The following KCNH8 variants were observed in gnomAD, a reference collection of about 807,000 sequenced individuals.
KCNH8 encodes the protein potassium voltage-gated channel subfamily H member 8, also known as voltage-gated delayed rectifier potassium channel KCNH8.
KCNH8 carries 70 observed loss-of-function variants against 103.6 expected under a neutral mutation model. The observed-to-expected ratio is 0.68, with a 90% CI of 0.56 to 0.82. KCNH8 has a LOEUF of 0.82. Ranked by LOEUF, KCNH8 falls within the 40% of genes least tolerant of loss-of-function variation. KCNH8 has a pLI of 0.00. For synonymous variants in KCNH8, 498 were observed against 489.4 expected (o/e 1.02, Z -0.23); for missense variants, 1,217 against 1,329.9 (o/e 0.92, Z 1.32).
chr3:19,502,217 G>A (rs1388286887), intron 11 of KCNH8, among the ~76,000 whole-genome samples: 1 of 151,402 alleles, frequency 6.6e-6, no homozygotes, highest in East Asian at 1.9e-4. Context: ...ACTTACAAGG[G>A]ATGTGAAGGG....
intron 1 of KCNH8, among the ~76,000 whole-genome samples, chr3:19,205,011 G>T (rs141935272): frequency 6.2e-4 from 94 of 151,964 alleles, no homozygotes; most frequent in African/African-American, 2.1e-3. Flanking sequence ...TCATACAAAA[G>T]AAACCAAAAT....
chr3:19,473,995 G>A (rs1254415212), intron 11 of KCNH8, among the ~76,000 whole-genome samples: 11 of 152,054 alleles, frequency 7.2e-5, no homozygotes. Context: ...GTTTTATCAT[G>A]GTAAATATTT....
At chr3:19,357,905 T>G (rs938193028) in intron 5 of KCNH8, among the ~76,000 whole-genome samples, 1 of 151,720 alleles carries the variant, frequency 6.6e-6, no homozygotes, top group African/African-American at 2.4e-5. Context: ...TATATATAAA[T>G]CCTGAGTCCA....
chr3:19,372,940 C>T (rs2066125374), intron 5 of KCNH8, among the ~76,000 whole-genome samples: 1 of 151,912 alleles, frequency 6.6e-6, no homozygotes, highest in African/African-American at 2.4e-5. Context: ...TTGAACCAGC[C>T]TTGCATCCCA....
chr3:19,244,041 T>C (rs942265084), intron 1 of KCNH8, among the ~76,000 whole-genome samples: 2 of 152,164 alleles, frequency 1.3e-5, no homozygotes, highest in African/African-American at 4.8e-5. Context: ...GGTCTTACTT[T>C]GTTTTTAAAT....
chr3:19,187,845 A>G lies in KCNH8; in HGVS notation c.76+39050A>G, dbSNP rs536713561. ...TGTGAACAAACTTTTATCAGCCCTC[A>G]TCTACTTGTTGGCTGAATACTCTGG... is the stretch of plus-strand genomic sequence containing the variant. On this transcript the variant is annotated intron_variant, in intron 1 of 15. Coordinates refer to ENST00000328405, the MANE Select transcript of KCNH8 (RefSeq NM_144633.3). Among the ~76,000 whole-genome samples the G allele has an allele frequency of 2.3e-4, 35 of 152,184 alleles. No homozygotes were observed. The South Asian group carries it at 6.2e-3, about 27-fold the overall frequency.
At chr3:19,451,438 G>T in intron 10 of KCNH8, 34 bp downstream of exon 10, 2 of 1,600,624 alleles carry the variant, frequency 1.2e-6, no homozygotes, top group South Asian at 2.2e-5. Flanking sequence ...TATGAAATTT[G>T]ACTCTGGAGC....
intron 1 of KCNH8, among the ~76,000 whole-genome samples, chr3:19,149,448 T>G (rs1199985025): frequency 6.6e-6 from 1 of 151,290 alleles, no homozygotes; most frequent in Non-Finnish European, 1.5e-5. Context: ...AGAAAGTTTT[T>G]AGTTTTTTTT....
At chr3:19,507,458 T>C (rs879261758) in intron 11 of KCNH8, among the ~76,000 whole-genome samples, 1 of 152,140 alleles carries the variant, frequency 6.6e-6, no homozygotes. Flanking sequence ...CCTCTCCTTA[T>C]GGTGTGTAGT....
chr3:19,413,810 G>A lies in KCNH8; in HGVS notation c.1177+18499G>A, dbSNP rs549047249. Among the ~76,000 whole-genome samples, 25 of 152,082 alleles carry A rather than the reference G, an allele frequency of 1.6e-4. 1 individual carries two copies. The highest frequency in any genetic ancestry group is 5.3e-4 in the African/African-American group (22 of 41,532). On this transcript the variant is annotated intron_variant, in intron 7 of 15. Transcript: ENST00000328405. ...GCCCTCCTCTGTTTTAAAAACAAAA[G>A]AGTTCATCTGAAAAACAACTCTTGT...
At chr3:19,218,149 AT>A (rs944639395) in intron 1 of KCNH8, among the ~76,000 whole-genome samples, 5 of 151,800 alleles carry the variant, frequency 3.3e-5, no homozygotes, top group African/African-American at 7.3e-5. Context: ...TGAGACCAGG[AT>A]TTTTTTTTAT....
chr3:19,393,072 T>G (rs2066463138), intron 6 of KCNH8, among the ~76,000 whole-genome samples: 1 of 151,954 alleles, frequency 6.6e-6, no homozygotes, highest in African/African-American at 2.4e-5. Flanking sequence ...GATGACCATG[T>G]CCATTGGTAA....
chr3:19,465,928 A>G (rs1466151187), intron 11 of KCNH8, among the ~76,000 whole-genome samples: 2 of 151,912 alleles, frequency 1.3e-5, no homozygotes, highest in African/African-American at 2.4e-5. Context: ...TTGCTTCTTT[A>G]TTTTATTTTA....
chr3:19,347,694 T>C (rs1075603), intron 4 of KCNH8, 31 bp from the exon 5 acceptor site: 7 of 1,608,978 alleles, frequency 4.4e-6, no homozygotes, highest in Non-Finnish European at 5.9e-6. Context: ...GTTGTGTTTC[T>C]CCTTTCTCTC....
Position 19,492,298 on chromosome 3 carries a change from A to T in KCNH8, c.2041-18065A>T, listed in dbSNP as rs575934513. Among the ~76,000 whole-genome samples the T allele has an allele frequency of 1.7e-4, 26 of 152,290 alleles. No individual in the cohort carries two copies. The East Asian group carries it at 5.0e-3, about 29-fold the overall frequency. Reference sequence around the variant, plus strand: ...TCCTAGGTTTTCGTCTAAGATATTTATAATTTTAGGTCTTATACTTCTATC... The same window carrying T: ...TCCTAGGTTTTCGTCTAAGATATTTTTAATTTTAGGTCTTATACTTCTATC... On this transcript the variant is annotated intron_variant, in intron 11 of 15. Coordinates refer to ENST00000328405, the MANE Select transcript of KCNH8 (RefSeq NM_144633.3).
chr3:19,181,383 A>G (rs540300175), intron 1 of KCNH8, among the ~76,000 whole-genome samples: 1 of 152,290 alleles, frequency 6.6e-6, no homozygotes, highest in East Asian at 1.9e-4. Context: ...AGGAACAAAG[A>G]TAGATCAGAA....
rs367941252 is a variant in KCNH8 at position 19,222,389 on chromosome 3, A to T, written c.77-31265A>T. On this transcript the variant is annotated intron_variant, in intron 1 of 15. Transcript: ENST00000328405. ...ATAATAGATACTTCGGTGAAAAATG[A>T]ATGTTTTGGATAGCCACAATATTCT... Among the ~76,000 whole-genome samples, 5 of 152,350 alleles carry T rather than the reference A, an allele frequency of 3.3e-5. No homozygotes were observed. In the East Asian group the frequency reaches 7.7e-4, roughly 24 times the overall value.
chr3:19,170,623 TATATATATACACAC>T (rs1213371834), intron 1 of KCNH8, among the ~76,000 whole-genome samples: 4 of 139,312 alleles, frequency 2.9e-5, no homozygotes, highest in East Asian at 2.0e-4. Context: ...TACACACACA[TATATATATACACAC>T]ATATATATAC....
intron 5 of KCNH8, among the ~76,000 whole-genome samples, chr3:19,350,938 A>G (rs2065793197): frequency 6.6e-6 from 1 of 152,138 alleles, no homozygotes; most frequent in Non-Finnish European, 1.5e-5. Flanking sequence ...AACATCTCCA[A>G]GCTAAAGGAG....
Sources: allele counts gnomAD v4.1 joint callset (sites outside exome capture counted in the v4.1 genomes callset), GRCh38; gene constraint gnomAD v4.1.1; transcripts MANE v1.5; gene names NCBI Gene and HGNC (gene_info 2026-07-23, HGNC 2026-07-21).